WFS1: variants seen among roughly 807,000 people sequenced by gnomAD.
The protein encoded by WFS1 is wolframin.
In WFS1, 90 loss-of-function variants were observed where a neutral mutation model predicts 68.5. The observed-to-expected ratio is 1.31, with a 90% CI of 1.11 to 1.56. The LOEUF (loss-of-function observed/expected upper bound fraction) is 1.56. WFS1 is among the 40% of genes most tolerant of loss of function. The pLI is 0.00. For missense variants in WFS1, 1,767 were observed against 1,232.6 expected, an observed-to-expected ratio of 1.43 and a Z score of -6.49; for synonymous variants, 860 against 540.7, an observed-to-expected ratio of 1.59 and a Z score of -8.19.
Position 6,295,763 on chromosome 4 carries a change from C to G in WFS1, c.861+574C>G, listed in dbSNP as rs147694002. Among the ~76,000 whole-genome samples the G allele has an allele frequency of 8.3e-3, 1,245 of 149,740 alleles. 12 individuals are homozygous for G. Among genetic ancestry groups the G allele is most frequent in the African/African-American group, 0.028 (1,150 of 40,936 alleles). ...AGCAGCTTTGGCGGCAGGAGGAAAG[C>G]GGGGAGCGGGGAGCGGGAAGCCCAG... On this transcript the variant is annotated intron_variant, in intron 7 of 7. Coordinates refer to ENST00000226760, the MANE Select transcript of WFS1 (RefSeq NM_006005.3).
Position 6,299,166 on chromosome 4 carries a change from C to G in WFS1, c.862-1491C>G, listed in dbSNP as rs537851767. Among the ~76,000 whole-genome samples the G allele has an allele frequency of 1.1e-4, 17 of 152,230 alleles. 1 individual carries two copies. Among genetic ancestry groups the G allele is most frequent in the Admixed American group, 9.2e-4 (14 of 15,286 alleles). ...TCTGCCTGGCTGCCCTGTGTTCTGG[C>G]AGGGCTCAGGGCCTCTGAGTTCTGC... On this transcript the variant is annotated intron_variant, in intron 7 of 7. Coordinates refer to ENST00000226760, the MANE Select transcript of WFS1 (RefSeq NM_006005.3).
intron 4 of WFS1, among the ~76,000 whole-genome samples, chr4:6,289,883 C>A (rs1447548159): frequency 6.6e-6 from 1 of 152,108 alleles, no homozygotes; most frequent in Non-Finnish European, 1.5e-5. Flanking sequence ...ATACAAATTA[C>A]TCATAACCTT....
chr4:6,271,439 C>G (rs1028052106), intron 1 of WFS1, among the ~76,000 whole-genome samples: 31 of 152,182 alleles, frequency 2.0e-4, no homozygotes, highest in Non-Finnish European at 3.1e-4. Flanking sequence ...CAGAGGGGAC[C>G]TCAGCTCAGT....
At chr4:6,274,854 G>A (rs10002743) in intron 1 of WFS1, among the ~76,000 whole-genome samples, 121,649 of 151,964 alleles carry the variant, frequency 0.8, 48,879 homozygotes, top group East Asian at 0.94. Context: ...TTTCAAAGTC[G>A]TCTTTTTCAG....
chr4:6,285,449 C>G (rs1017992147), intron 2 of WFS1, among the ~76,000 whole-genome samples: 3 of 152,108 alleles, frequency 2.0e-5, no homozygotes, highest in African/African-American at 7.2e-5. Context: ...GGCGAGTTGT[C>G]CATCCACAGG....
chr4:6,292,206 C>T (rs71524371), intron 6 of WFS1, among the ~76,000 whole-genome samples: 28 of 152,298 alleles, frequency 1.8e-4, no homozygotes, highest in Non-Finnish European at 3.2e-4. Context: ...GTGTTCTGGA[C>T]GCTGGGAGTA....
chr4:6,292,082 T>A (rs1730482156), intron 6 of WFS1, 85 bp downstream of exon 6: 1 of 1,385,014 alleles, frequency 7.2e-7, no homozygotes, highest in Non-Finnish European at 1.0e-6. Flanking sequence ...GACTCCATCC[T>A]GGCCTGCCCT....
chr4:6,295,186 G>C lies in WFS1; in HGVS notation c.858G>C (p.Leu286=), dbSNP rs748652556. ...GCCCTGAGGACCTGCCACTGCGTCT[G>C]AAGGTGAGTGACCAAGACCCCGGTC... ...GKSPEDLPLR[L]KVVKYPLHAI... is the part of the protein sequence containing the mutation. Residue 286 remains leucine (L), a synonymous_variant, in exon 7 of 8, where the codon CTG becomes CTC. Coordinates refer to ENST00000226760, the MANE Select transcript of WFS1 (RefSeq NM_006005.3). 1 of 1,611,594 alleles carries C rather than the reference G, an allele frequency of 6.2e-7. No homozygotes were observed. The highest frequency in any genetic ancestry group is 8.5e-7 in the Non-Finnish European group (1 of 1,180,026).
At chr4:6,300,516 C>G in intron 7 of WFS1, 141 bp from the exon 8 acceptor site, 1 of 1,298,514 alleles carries the variant, frequency 7.7e-7, no homozygotes, top group Non-Finnish European at 1.1e-6. Context: ...GAGGGAGGAC[C>G]ACTAGGATGG....
At chr4:6,281,526 T>C (rs9997824) in intron 2 of WFS1, among the ~76,000 whole-genome samples, 108,183 of 152,100 alleles carry the variant, frequency 0.71, 39,017 homozygotes, top group East Asian at 1. Context: ...CAGGTAGACA[T>C]GGAGGGGAGA....
intron 1 of WFS1, among the ~76,000 whole-genome samples, chr4:6,270,641 G>C (rs1411080276): frequency 6.6e-6 from 1 of 152,186 alleles, no homozygotes; most frequent in Non-Finnish European, 1.5e-5. Flanking sequence ...ACCCTGCCTC[G>C]TATGAACTCC....
At position 6,291,531 on chromosome 4, in the gene WFS1, G is replaced by C. The variant is rs71539643; in HGVS notation, c.631+164G>C. Among the ~76,000 whole-genome samples the C allele has an allele frequency of 0.02, 2,971 of 152,200 alleles. 80 individuals carry two copies. The highest frequency in any genetic ancestry group is 0.062 in the African/African-American group (2,587 of 41,558). On this transcript the variant is annotated intron_variant, in intron 5 of 7. Transcript: ENST00000226760. Reference sequence around the variant, plus strand: ...AGGGCCCTTCCTTGTGGGGACCAGGGGACCAGAACCTTCCTGTAGAGACCG... The same window carrying C: ...AGGGCCCTTCCTTGTGGGGACCAGGCGACCAGAACCTTCCTGTAGAGACCG...
Position 6,277,683 on chromosome 4 carries a change from C to T in WFS1, c.228C>T (p.Gly76=), listed in dbSNP as rs751073426. Residue 76 remains glycine (G), a synonymous_variant, in exon 2 of 8, where the codon GGC becomes GGT. Transcript: ENST00000226760. ...CCAGGAGCCGGGAAAGAGCAGACGG[C>T]ACCGGTAAGGGAGCAGGCTGGGAAG... ...QHTRSRERAD[G]TGPTKGDMEI... The T allele has an allele frequency of 3.2e-6, 5 of 1,558,710 alleles. No individual in the cohort carries two copies. The highest frequency in any genetic ancestry group is 3.8e-5 in the Admixed American group (2 of 52,174).
Position 6,277,694 on chromosome 4 carries a change from GAGC to G in WFS1, c.232+10_232+12del. 6.4e-7 allele frequency: 1 copy of G among 1,553,974 alleles called. No homozygotes were observed. Among genetic ancestry groups the G allele is most frequent in the Non-Finnish European group, 8.7e-7 (1 of 1,149,698 alleles). ...GAAAGAGCAGACGGCACCGGTAAGGGAGCAGGCTGGGAAGCCCAGGCTGGGGAT... is the reference window on the plus strand; with the variant it reads ...GAAAGAGCAGACGGCACCGGTAAGGGAGGCTGGGAAGCCCAGGCTGGGGAT... On this transcript the variant is annotated splice_region_variant and intron_variant, in intron 2 of 7. Coordinates refer to ENST00000226760, the MANE Select transcript of WFS1 (RefSeq NM_006005.3).
At chr4:6,274,859 T>C (rs542018182) in intron 1 of WFS1, among the ~76,000 whole-genome samples, 38 of 152,150 alleles carry the variant, frequency 2.5e-4, no homozygotes, top group Middle Eastern at 6.8e-3. Flanking sequence ...AAGTCGTCTT[T>C]TTCAGAAATG....
intron 7 of WFS1, among the ~76,000 whole-genome samples, chr4:6,298,047 A>G (rs756331610): frequency 6.6e-6 from 1 of 152,230 alleles, no homozygotes; most frequent in Non-Finnish European, 1.5e-5. Context: ...AAGAATGTGC[A>G]TGGCTTTGAG....
At position 6,277,630 on chromosome 4, in the gene WFS1, G is replaced by A. The variant is rs867512186; in HGVS notation, c.175G>A (p.Ala59Thr). 2 of 1,570,576 alleles carry A rather than the reference G, an allele frequency of 1.3e-6. No homozygotes were observed. Among genetic ancestry groups the A allele is most frequent in the Non-Finnish European group, 8.6e-7 (1 of 1,158,236 alleles). ...GPGPGVRDAA[A>T]PAEPQAQHTR... ...TGGCCCTGGTGTTAGAGACGCAGCG[G>A]CCCCCGCTGAACCCCAGGCCCAGCA... The change falls in exon 2 of 8, where the codon GCC (alanine) becomes ACC (threonine). Residue 59 changes from alanine to threonine, a missense_variant. By Grantham distance (58) the Ala-to-Thr change is moderately conservative. Coordinates refer to ENST00000226760, the MANE Select transcript of WFS1 (RefSeq NM_006005.3).
intron 3 of WFS1, 176 bp from the exon 4 acceptor site, chr4:6,288,811 G>A (rs935533084): frequency 3.2e-6 from 3 of 926,016 alleles, no homozygotes; most frequent in East Asian, 2.7e-5. Flanking sequence ...AGGAGCGAGT[G>A]GCCGGAGGCT....
intron 2 of WFS1, among the ~76,000 whole-genome samples, chr4:6,286,410 C>T (rs2109113459): frequency 6.6e-6 from 1 of 152,294 alleles, no homozygotes; most frequent in South Asian, 2.1e-4. Flanking sequence ...AAAGCAGGCC[C>T]TCAGTAGACA....
Sources: gnomAD v4.1 joint callset for allele counts (sites outside exome capture counted in the v4.1 genomes callset) on GRCh38, gnomAD v4.1.1 for gene constraint, MANE v1.5 for transcripts, NCBI Gene and HGNC (gene_info 2026-07-23, HGNC 2026-07-21) for gene names.